The following DNAJC11 variants were observed in gnomAD, a reference collection of about 807,000 sequenced individuals.
DNAJC11 encodes DnaJ heat shock protein family (Hsp40) member C11.
In DNAJC11, 15 loss-of-function variants were observed where a neutral mutation model predicts 78.6. That is an observed-to-expected ratio of 0.19 (90% confidence interval 0.13 to 0.29). The LOEUF (loss-of-function observed/expected upper bound fraction) is 0.29. Ranked by LOEUF, DNAJC11 falls within the 10% of genes least tolerant of loss-of-function variation. DNAJC11 has a pLI of 1.00. For synonymous variants in DNAJC11, 292 were observed against 272.1 expected (o/e 1.07, Z -0.72); for missense variants, 547 against 709.6 (o/e 0.77, Z 2.60).
intron 1 of DNAJC11, among the ~76,000 whole-genome samples, chr1:6,682,667 C>T (rs1642572621): frequency 6.6e-6 from 1 of 152,350 alleles, no homozygotes; most frequent in East Asian, 1.9e-4. Flanking sequence ...ATGGTTGACA[C>T]GTGTAGACCT....
chr1:6,649,852 C>A lies in DNAJC11; in HGVS notation c.704+1677G>T, dbSNP rs577266354. On this transcript the variant is annotated intron_variant, in intron 7 of 15. Transcript: ENST00000377577. ...CCTCCCAAGTAGCTGGGACTACAGG[C>A]AAGCGCCACCATGCCTGGTTAATTT... is the stretch of plus-strand genomic sequence containing the variant. Among the ~76,000 whole-genome samples the A allele has an allele frequency of 3.3e-5, 5 of 152,072 alleles. No individual in the cohort carries two copies. In the South Asian group the frequency reaches 8.3e-4, roughly 25 times the overall value.
At chr1:6,657,991 T>A (rs995969185) in intron 4 of DNAJC11, among the ~76,000 whole-genome samples, 3 of 152,242 alleles carry the variant, frequency 2.0e-5, no homozygotes, top group African/African-American at 7.2e-5. Context: ...GTTTATCAGC[T>A]AACTTATGTT....
chr1:6,644,128 AT>A (rs879797852), intron 10 of DNAJC11, among the ~76,000 whole-genome samples: 9 of 145,096 alleles, frequency 6.2e-5, no homozygotes, highest in Admixed American at 6.9e-5. Flanking sequence ...ACCTGGCTGA[AT>A]TTTTTTTTTT....
chr1:6,701,459 G>C (rs894322743), intron 1 of DNAJC11, among the ~76,000 whole-genome samples: 1 of 152,202 alleles, frequency 6.6e-6, no homozygotes, highest in African/African-American at 2.4e-5. Context: ...TTGAGCGTGC[G>C]GGGGCCTCTG....
intron 4 of DNAJC11, among the ~76,000 whole-genome samples, chr1:6,661,724 C>T (rs994684109): frequency 6.6e-6 from 1 of 152,144 alleles, no homozygotes; most frequent in African/African-American, 2.4e-5. Flanking sequence ...CTTCTTCTGC[C>T]CCATCATCCT....
At chr1:6,689,517 G>C (rs978871561) in intron 1 of DNAJC11, among the ~76,000 whole-genome samples, 18 of 152,146 alleles carry the variant, frequency 1.2e-4, no homozygotes, top group Non-Finnish European at 2.6e-4. Flanking sequence ...ACTTAAAAAG[G>C]GGGCTCACGC....
intron 4 of DNAJC11, among the ~76,000 whole-genome samples, chr1:6,666,385 C>CTTT (rs767579276): frequency 7.5e-5 from 9 of 120,616 alleles, no homozygotes; most frequent in African/African-American, 2.5e-4. Flanking sequence ...TCTTTCTTTT[C>CTTT]TTTTTTTTTT....
In DNAJC11 at chr1:6,670,191, C is replaced by G. The variant is rs377266723; in HGVS notation, c.277-2381G>C. On this transcript the variant is annotated intron_variant, in intron 3 of 15. Coordinates refer to ENST00000377577, the MANE Select transcript of DNAJC11 (RefSeq NM_018198.4). ...GCCAGGATGGTCTTGCTCTCCTGACCTCGTGATCCGCCCGCCCAGATTATT... is the reference window on the plus strand; with the variant it reads ...GCCAGGATGGTCTTGCTCTCCTGACGTCGTGATCCGCCCGCCCAGATTATT... Among the ~76,000 whole-genome samples the G allele has an allele frequency of 9.1e-4, 139 of 152,130 alleles. 3 individuals carry two copies. In the East Asian group the frequency reaches 0.024, roughly 26 times the overall value.
chr1:6,694,184 C>G (rs1642796355), intron 1 of DNAJC11, among the ~76,000 whole-genome samples: 1 of 151,998 alleles, frequency 6.6e-6, no homozygotes, highest in Admixed American at 6.6e-5. Context: ...CTCCCCCTTT[C>G]CCCGGTACCC....
At chr1:6,668,675 C>G (rs1235740584) in intron 3 of DNAJC11, among the ~76,000 whole-genome samples, 1 of 151,934 alleles carries the variant, frequency 6.6e-6, no homozygotes, top group Non-Finnish European at 1.5e-5. Context: ...CTCAAAGGAT[C>G]CTCCCACATC....
chr1:6,642,750 TG>T (rs1301987488), intron 10 of DNAJC11, among the ~76,000 whole-genome samples: 3 of 152,174 alleles, frequency 2.0e-5, no homozygotes, highest in Non-Finnish European at 4.4e-5. Flanking sequence ...TCTTCGTTTC[TG>T]GGGGCACAGG....
chr1:6,642,107 C>T (rs962193372), intron 10 of DNAJC11, among the ~76,000 whole-genome samples: 1 of 152,048 alleles, frequency 6.6e-6, no homozygotes, highest in African/African-American at 2.4e-5. Context: ...CAGGAGGGGG[C>T]CTGGTGTGTG....
chr1:6,637,213 G>A lies in DNAJC11; in HGVS notation c.1509C>T (p.Leu503=). Residue 503 remains leucine (L), a synonymous_variant, in exon 14 of 16, where the codon CTC becomes CTT. Coordinates refer to ENST00000377577, the MANE Select transcript of DNAJC11 (RefSeq NM_018198.4). The part of the protein sequence containing the change: ...QCLVKDSKLI[L]TEASKAGLPG... ...GCTGCTGTACCTTGGAGGCCTCCGT[G>A]AGGATGAGCTTCGAGTCCTTCACCA... is the stretch of plus-strand genomic sequence containing the variant. 6.2e-7 allele frequency: 1 copy of A among 1,614,190 alleles called. No homozygotes were observed. The highest frequency in any genetic ancestry group is 8.5e-7 in the Non-Finnish European group (1 of 1,180,026).
Position 6,635,681 on chromosome 1 carries a change from A to G in DNAJC11, c.1674T>C (p.Asp558=). The G allele has an allele frequency of 1.2e-6, 2 of 1,614,118 alleles. No homozygotes were observed. Among genetic ancestry groups the G allele is most frequent in the Non-Finnish European group, 1.7e-6 (2 of 1,180,002 alleles). Residue 558 remains aspartate, a synonymous_variant, in exon 16 of 16, where the codon GAT becomes GAC. Coordinates refer to ENST00000377577, the MANE Select transcript of DNAJC11 (RefSeq NM_018198.4). ...IPKQSHRIDT[D]G ...AAATCTGGTTCTTGGCAGTTTATCC[A>G]TCTGTATCGATCCTGTGGGCTGTAA...
chr1:6,672,203 T>C (rs888817233), intron 3 of DNAJC11, among the ~76,000 whole-genome samples: 1 of 152,232 alleles, frequency 6.6e-6, no homozygotes, highest in Admixed American at 6.5e-5. Flanking sequence ...CAGATTTTAA[T>C]GAAAGTTTGA....
chr1:6,635,572 TATAAA>T lies in DNAJC11; in HGVS notation c.*98_*102del, dbSNP rs765653941. 6.6e-6 allele frequency: 8 copies of T among 1,208,584 alleles called. No individual in the cohort carries two copies. The highest frequency in any genetic ancestry group is 5.1e-5 in the East Asian group (2 of 39,512). 74.9% of individuals were successfully genotyped at this position (1,208,584 alleles called of 1,614,324 possible). ...ATGGTACCACCTTCTATAATAATAATATAAAATAAAAACATCTGATGTCTGGGTTT... is the reference window on the plus strand; with the variant it reads ...ATGGTACCACCTTCTATAATAATAATATAAAAACATCTGATGTCTGGGTTT... On this transcript the variant is annotated 3_prime_UTR_variant, in exon 16 of 16. Coordinates refer to ENST00000377577, the MANE Select transcript of DNAJC11 (RefSeq NM_018198.4).
chr1:6,682,473 T>G (rs1013465316), intron 1 of DNAJC11, among the ~76,000 whole-genome samples: 17 of 152,178 alleles, frequency 1.1e-4, no homozygotes, highest in African/African-American at 3.6e-4. Flanking sequence ...CGGTCCCACA[T>G]GCCTGAGGGG....
chr1:6,650,487 C>A (rs775711668), intron 7 of DNAJC11, among the ~76,000 whole-genome samples: 6 of 150,614 alleles, frequency 4.0e-5, no homozygotes, highest in Non-Finnish European at 8.9e-5. Context: ...GACTGCTTGA[C>A]CCCAGGAGTT....
At position 6,665,983 on chromosome 1, in the gene DNAJC11, C is replaced by G. The variant is rs1642288269; in HGVS notation, c.378+1726G>C. Among the ~76,000 whole-genome samples, 3 of 152,206 alleles carry G rather than the reference C, an allele frequency of 2.0e-5. No individual in the cohort carries two copies. The South Asian group carries it at 6.2e-4, about 31-fold the overall frequency. ...GGGCACCTCGGAGATTTTCAACTCTCCCAATTATCCTAAACTCCCTGGCTC... is the reference window on the plus strand; with the variant it reads ...GGGCACCTCGGAGATTTTCAACTCTGCCAATTATCCTAAACTCCCTGGCTC... On this transcript the variant is annotated intron_variant, in intron 4 of 15. Transcript: ENST00000377577.
Sources: allele counts gnomAD v4.1 joint callset (sites outside exome capture counted in the v4.1 genomes callset), GRCh38; gene constraint gnomAD v4.1.1; transcripts MANE v1.5; gene names NCBI Gene and HGNC (gene_info 2026-07-23, HGNC 2026-07-21).